The following ALKBH5 variants were observed in gnomAD, a reference collection of about 807,000 sequenced individuals.
The protein encoded by ALKBH5 is alkB homolog 5, RNA demethylase.
A neutral mutation model predicts 32.1 loss-of-function variants in ALKBH5; 2 were observed. The ratio of observed to expected loss-of-function variants is 0.06; its 90% confidence interval spans 0.03 to 0.20. The LOEUF (loss-of-function observed/expected upper bound fraction) is 0.20, where lower values mean the gene tolerates loss of function less well. Ranked by LOEUF, ALKBH5 falls within the 10% of genes least tolerant of loss-of-function variation. ALKBH5 has a pLI of 1.00. For missense variants in ALKBH5, 352 were observed against 559.5 expected (o/e 0.63, Z 3.74); for synonymous variants, 300 against 231.7 (o/e 1.29, Z -2.68).
At chr17:18,201,706 C>T (rs898328112) in intron 2 of ALKBH5, among the ~76,000 whole-genome samples, 1 of 151,620 alleles carries the variant, frequency 6.6e-6, no homozygotes, top group African/African-American at 2.4e-5. Flanking sequence ...GATTGCACCA[C>T]TGCACTCCAG....
chr17:18,187,196 A>G (rs2047144464), intron 1 of ALKBH5, among the ~76,000 whole-genome samples: 1 of 152,002 alleles, frequency 6.6e-6, no homozygotes, highest in Non-Finnish European at 1.5e-5. Context: ...GAGTGTTGGA[A>G]GTTTAGGGGA....
chr17:18,184,642 C>T lies in ALKBH5; in HGVS notation c.399C>T (p.Tyr133=), dbSNP rs554443933. 1.3e-5 allele frequency: 21 copies of T among 1,613,038 alleles called. No individual in the cohort carries two copies. The highest frequency in any genetic ancestry group is 4.4e-5 in the South Asian group (4 of 91,090). The change falls in exon 1 of 4, where the codon TAC becomes TAT. Residue 133 remains tyrosine (Y), a synonymous_variant. Coordinates refer to ENST00000399138, the MANE Select transcript of ALKBH5 (RefSeq NM_017758.4). The part of the protein sequence containing the change: ...TVDRAPLRNK[Y]FFGEGYTYGA... ...ACCGGGCCCCACTGCGCAACAAGTA[C>T]TTCTTCGGCGAAGGCTACACTTACG...
In ALKBH5 at chr17:18,208,786, A is replaced by G. The variant is rs1184092266; in HGVS notation, c.*390A>G. The G allele has an allele frequency of 2.9e-6, 1 of 342,558 alleles. No homozygotes were observed. Among genetic ancestry groups the G allele is most frequent in the East Asian group, 7.9e-5 (1 of 12,730 alleles). The allele number at this position is 342,558 out of a possible 1,614,324, so 21.2% of individuals were successfully genotyped here. A position where few individuals can be genotyped will look rare whatever the true frequency, so the allele number is the denominator to read the frequency against. ...TTTTGCTTTCAGTGTAAATCTTCGC[A>G]GTGTTCTAAACAAAGTTCAGTCTTC... On this transcript the variant is annotated 3_prime_UTR_variant, in exon 4 of 4. Coordinates refer to ENST00000399138, the MANE Select transcript of ALKBH5 (RefSeq NM_017758.4).
In ALKBH5 at chr17:18,209,201, T is replaced by G. The variant is rs1250560522; in HGVS notation, c.*805T>G. 6.5e-6 allele frequency: 1 copy of G among 152,738 alleles called. No individual in the cohort carries two copies. Among genetic ancestry groups the G allele is most frequent in the Non-Finnish European group, 1.5e-5 (1 of 68,102 alleles). The allele number at this position is 152,738 out of a possible 1,614,324, so 9.5% of individuals were successfully genotyped here. ...AGTTAGACTTGCCACGTTGGGTCAG[T>G]TTTAGAAATTGTTTCTAGCTAGAGG... On this transcript the variant is annotated 3_prime_UTR_variant, in exon 4 of 4. Transcript: ENST00000399138.
intron 1 of ALKBH5, among the ~76,000 whole-genome samples, chr17:18,194,345 G>C (rs1215367881): frequency 1.3e-5 from 2 of 152,060 alleles, no homozygotes; most frequent in Non-Finnish European, 2.9e-5. Context: ...GTAGAGATGG[G>C]GTTTCGCCAT....
chr17:18,184,735 C>T lies in ALKBH5; in HGVS notation c.492C>T (p.Ile164=), dbSNP rs1307482001. 6.2e-7 allele frequency: 1 copy of T among 1,613,488 alleles called. No individual in the cohort carries two copies. Among genetic ancestry groups the T allele is most frequent in the Non-Finnish European group, 8.5e-7 (1 of 1,179,960 alleles). ...ACCCGCCGGGCGACGTGGACGAGATCCCCGAGTGGGTGCACCAGCTGGTGA... is the reference window on the plus strand; with the variant it reads ...ACCCGCCGGGCGACGTGGACGAGATTCCCGAGTGGGTGCACCAGCTGGTGA... ...RLYPPGDVDE[I]PEWVHQLVIQ... The change falls in exon 1 of 4, where the codon ATC becomes ATT. Residue 164 remains isoleucine, a synonymous_variant. Transcript: ENST00000399138.
At chr17:18,196,258 G>T (rs1025530152) in intron 2 of ALKBH5, among the ~76,000 whole-genome samples, 3 of 151,126 alleles carry the variant, frequency 2.0e-5, no homozygotes, top group Non-Finnish European at 4.4e-5. Flanking sequence ...TGTCGCCTAG[G>T]CTGGAATAGG....
intron 2 of ALKBH5, among the ~76,000 whole-genome samples, chr17:18,204,925 G>A (rs780741500): frequency 1.3e-5 from 2 of 151,954 alleles, no homozygotes; most frequent in Admixed American, 6.6e-5. Flanking sequence ...GGGCATGGTG[G>A]CCCAGTCCTA....
chr17:18,207,573 G>A (rs2047276629), intron 3 of ALKBH5, among the ~76,000 whole-genome samples: 1 of 151,990 alleles, frequency 6.6e-6, no homozygotes, highest in Admixed American at 6.6e-5. Context: ...TGAGGCAGGA[G>A]AATGGCGTGA....
rs745633033 is a variant in ALKBH5, at chr17:18,184,604, G to C, written c.361G>C (p.Glu121Gln). Residue 121 changes from glutamate (E) to glutamine (Q), a missense_variant, in exon 1 of 4, where the codon GAG (glutamate) becomes CAG (glutamine). By Grantham distance (29) the Glu-to-Gln change is conservative. Coordinates refer to ENST00000399138, the MANE Select transcript of ALKBH5 (RefSeq NM_017758.4). ...VSRAEKGLYN[E>Q]HTVDRAPLRN... ...CCGCGCTGAGAAGGGCCTGTACAAC[G>C]AGCACACGGTGGACCGGGCCCCACT... The C allele has an allele frequency of 6.2e-6, 10 of 1,613,306 alleles. No homozygotes were observed. Among genetic ancestry groups the C allele is most frequent in the Non-Finnish European group, 7.6e-6 (9 of 1,180,030 alleles).
intron 2 of ALKBH5, among the ~76,000 whole-genome samples, chr17:18,196,145 T>G (rs2047202701): frequency 6.6e-6 from 1 of 152,158 alleles, no homozygotes; most frequent in South Asian, 2.1e-4. Flanking sequence ...TTACATTTAG[T>G]TGACATATCA....
In ALKBH5 at chr17:18,184,781, C is replaced by T; in HGVS notation, c.538C>T (p.Arg180Cys). Reference sequence around the variant, plus strand: ...GGTGATCCAAAAGCTGGTGGAGCACCGCGTCATCCCCGAGGGCTTCGTCAA... The same window carrying T: ...GGTGATCCAAAAGCTGGTGGAGCACTGCGTCATCCCCGAGGGCTTCGTCAA... ...QLVIQKLVEH[R>C]VIPEGFVNSA... The change falls in exon 1 of 4, where the codon CGC becomes TGC. Residue 180 changes from arginine to cysteine, a missense_variant. Arg to Cys is a radical substitution (Grantham distance 180, BLOSUM62 -3). This residue lies in a region of ALKBH5 where 56 missense variants were observed against 238.1 expected (regional missense o/e 0.24). Transcript: ENST00000399138. 2 of 1,613,934 alleles carry T rather than the reference C, an allele frequency of 1.2e-6. No homozygotes were observed. The highest frequency in any genetic ancestry group is 1.3e-5 in the African/African-American group (1 of 75,050).
intron 3 of ALKBH5, 78 bp downstream of exon 3, chr17:18,207,048 G>A: frequency 1.3e-6 from 2 of 1,547,528 alleles, no homozygotes; most frequent in Non-Finnish European, 1.8e-6. Context: ...GCCTGGGGTA[G>A]GCTGTTTAGG....
chr17:18,185,591 T>G (rs1325757177), intron 1 of ALKBH5, among the ~76,000 whole-genome samples: 3 of 152,186 alleles, frequency 2.0e-5, no homozygotes, highest in Non-Finnish European at 4.4e-5. Context: ...CAGCACACTC[T>G]TAAAATTCTT....
intron 2 of ALKBH5, among the ~76,000 whole-genome samples, chr17:18,195,422 T>A (rs550853281): frequency 2.2e-4 from 33 of 152,310 alleles, no homozygotes; most frequent in African/African-American, 7.9e-4. Flanking sequence ...GCAGCCTGCT[T>A]TAAAAATGCC....
intron 2 of ALKBH5, among the ~76,000 whole-genome samples, chr17:18,202,416 A>C (rs1240680927): frequency 6.6e-6 from 1 of 152,046 alleles, no homozygotes; most frequent in African/African-American, 2.4e-5. Flanking sequence ...ACTGCAGGAG[A>C]GCCAGCAAGG....
At chr17:18,196,496 C>T (rs577901487) in intron 2 of ALKBH5, among the ~76,000 whole-genome samples, 1 of 152,336 alleles carries the variant, frequency 6.6e-6, no homozygotes, top group East Asian at 1.9e-4. Flanking sequence ...GCTGGGATTA[C>T]AGGTGTGAGC....
rs1567672973 is a variant in ALKBH5, at chr17:18,184,635, A to G, written c.392A>G (p.Asn131Ser). ...EHTVDRAPLR[N>S]KYFFGEGYTY... ...ACGGTGGACCGGGCCCCACTGCGCAACAAGTACTTCTTCGGCGAAGGCTAC... is the reference window on the plus strand; with the variant it reads ...ACGGTGGACCGGGCCCCACTGCGCAGCAAGTACTTCTTCGGCGAAGGCTAC... Residue 131 changes from asparagine (N) to serine (S), a missense_variant, in exon 1 of 4, where the codon AAC becomes AGC. Asn to Ser is a conservative substitution (Grantham distance 46, BLOSUM62 1). Around this residue, in one of 4 missense-constraint regions of ALKBH5, gnomAD observed 56 missense variants for 238.1 expected, o/e 0.24. Coordinates refer to ENST00000399138, the MANE Select transcript of ALKBH5 (RefSeq NM_017758.4). 1 of 1,613,208 alleles carries G rather than the reference A, an allele frequency of 6.2e-7. No individual in the cohort carries two copies. The highest frequency in any genetic ancestry group is 2.2e-5 in the East Asian group (1 of 44,874).
At position 18,186,007 on chromosome 17, in the gene ALKBH5, C is replaced by T. The variant is rs548125650; in HGVS notation, c.770+994C>T. 6.0e-4 allele frequency among the ~76,000 whole-genome samples: 92 copies of T among 152,324 alleles called. 1 individual carries two copies. The highest frequency in any genetic ancestry group is 1.9e-4 in the East Asian group (1 of 5,186). On this transcript the variant is annotated intron_variant, in intron 1 of 3. Transcript: ENST00000399138. Reference sequence around the variant, plus strand: ...GGACACACTGGGCTTTTGTCGTGAGCAGCCCAGGTTCTGAAGTGAGTCAGT... The same window carrying T: ...GGACACACTGGGCTTTTGTCGTGAGTAGCCCAGGTTCTGAAGTGAGTCAGT...
Sources: allele counts gnomAD v4.1 joint callset (sites outside exome capture counted in the v4.1 genomes callset), GRCh38; gene constraint gnomAD v4.1.1; regional missense constraint gnomAD v4.1.1; transcripts MANE v1.5; gene names NCBI Gene and HGNC (gene_info 2026-07-23, HGNC 2026-07-21).